The following CLVS1 variants were observed in gnomAD, a reference collection of about 807,000 sequenced individuals.
CLVS1 encodes clavesin-1.
Under a neutral mutation model 33.1 loss-of-function variants are expected in CLVS1, and 10 were observed. The ratio of observed to expected loss-of-function variants is 0.30; its 90% confidence interval spans 0.19 to 0.51. The LOEUF is 0.51. Ranked by LOEUF, CLVS1 falls within the 20% of genes least tolerant of loss-of-function variation. CLVS1 has a pLI of 0.97. For synonymous variants in CLVS1, 163 were observed against 166.1 expected (o/e 0.98, Z 0.14); for missense variants, 343 against 433.4 (o/e 0.79, Z 1.85).
At chr8:61,440,616 C>A (rs1225478490) in intron 3 of CLVS1, among the ~76,000 whole-genome samples, 1 of 152,198 alleles carries the variant, frequency 6.6e-6, no homozygotes, top group East Asian at 1.9e-4. Flanking sequence ...GCTAGGAAAG[C>A]TTCTGTGCTT....
intron 2 of CLVS1, chr8:61,202,562 C>G: frequency 8.3e-7 from 1 of 1,209,702 alleles, no homozygotes; most frequent in East Asian, 2.3e-5. Context: ...GAAGGCAGCC[C>G]AATTAAAGTA....
upstream of CLVS1, chr8:61,287,944 A>G (rs1358329887): frequency 2.6e-6 from 1 of 377,492 alleles, no homozygotes; most frequent in East Asian, 7.3e-5. Flanking sequence ...GGCTCCGTAT[A>G]GAAGGACAGA....
At chr8:61,268,834 C>CTCAAA (rs1308381734) in intron 2 of CLVS1, among the ~76,000 whole-genome samples, 3 of 66,946 alleles carry the variant, frequency 4.5e-5, no homozygotes, top group Non-Finnish European at 8.2e-5. Flanking sequence ...AGTGTCTGTT[C>CTCAAA]ATGTCCTTCA....
At chr8:61,417,370 T>C (rs973018476) in intron 3 of CLVS1, among the ~76,000 whole-genome samples, 2 of 152,214 alleles carry the variant, frequency 1.3e-5, no homozygotes, top group African/African-American at 4.8e-5. Context: ...CAGACGTTTT[T>C]TTCTTTGAAT....
At chr8:61,118,791 AC>A in intron 1 of CLVS1, among the ~76,000 whole-genome samples, 1 of 152,270 alleles carries the variant, frequency 6.6e-6, no homozygotes, top group Non-Finnish European at 1.5e-5. Flanking sequence ...TTTACTTCCA[AC>A]TATGTGGTCA....
chr8:61,019,202 G>A, the CLVS1 span, among the ~76,000 whole-genome samples: 1 of 152,240 alleles, frequency 6.6e-6, no homozygotes, highest in Non-Finnish European at 1.5e-5. Context: ...GCAGTCCATG[G>A]AGAGTCGTCT....
intron 1 of CLVS1, among the ~76,000 whole-genome samples, chr8:61,294,699 T>C (rs1810127919): frequency 6.6e-6 from 1 of 152,080 alleles, no homozygotes; most frequent in African/African-American, 2.4e-5. Flanking sequence ...TATTTTTAGA[T>C]GAGACATTGC....
intron 1 of CLVS1, among the ~76,000 whole-genome samples, chr8:61,081,693 C>T (rs1210086660): frequency 2.6e-5 from 4 of 152,238 alleles, no homozygotes; most frequent in African/African-American, 9.6e-5. Context: ...ATCCCTTCCA[C>T]AGTCACAGCA....
At chr8:61,066,249 A>G (rs1804675942) in intron 1 of CLVS1, among the ~76,000 whole-genome samples, 1 of 152,188 alleles carries the variant, frequency 6.6e-6, no homozygotes, top group Non-Finnish European at 1.5e-5. Flanking sequence ...TAATCCCAAC[A>G]CTTTGGGAGG....
chr8:61,261,209 C>T (rs1358489427), intron 2 of CLVS1, among the ~76,000 whole-genome samples: 1 of 152,148 alleles, frequency 6.6e-6, no homozygotes, highest in African/African-American at 2.4e-5. Context: ...TGACCCTTGA[C>T]CAGCCCCATC....
Position 61,421,303 on chromosome 8 carries a change from A to G in CLVS1, c.631-32838A>G, listed in dbSNP as rs143763436. Among the ~76,000 whole-genome samples the G allele has an allele frequency of 2.6e-5, 4 of 152,328 alleles. No individual in the cohort carries two copies. In the East Asian group the frequency reaches 7.7e-4, roughly 29 times the overall value. On this transcript the variant is annotated intron_variant, in intron 3 of 5. Coordinates refer to ENST00000325897, the MANE Select transcript of CLVS1 (RefSeq NM_173519.3). ...CAAACGATGATTGTCATGGTGCAGC[A>G]AAGTGGGCCTGGTGAGGAGTATATA...
intron 5 of CLVS1, among the ~76,000 whole-genome samples, chr8:61,477,631 G>A (rs1182381452): frequency 2.1e-4 from 32 of 152,136 alleles, no homozygotes; most frequent in Admixed American, 2.1e-3. Flanking sequence ...ATTTCTGTGG[G>A]ATCAGTGGTG....
the CLVS1 span, among the ~76,000 whole-genome samples, chr8:60,992,676 A>G: frequency 1.3e-5 from 2 of 152,250 alleles, no homozygotes; most frequent in Non-Finnish European, 2.9e-5. Context: ...CAAAAGCTCC[A>G]TGGAGGTATC....
intron 2 of CLVS1, among the ~76,000 whole-genome samples, chr8:61,327,824 A>G (rs750759105): frequency 1.3e-5 from 2 of 152,310 alleles, no homozygotes; most frequent in African/African-American, 2.4e-5. Flanking sequence ...CTCCTTCTCT[A>G]TGCAACAGAC....
chr8:61,140,174 A>G (rs1806281338), intron 2 of CLVS1, among the ~76,000 whole-genome samples: 1 of 152,234 alleles, frequency 6.6e-6, no homozygotes, highest in South Asian at 2.1e-4. Flanking sequence ...GACCCATTAA[A>G]TAATGATTTT....
chr8:61,290,369 T>TA (rs1809941308), intron 1 of CLVS1, among the ~76,000 whole-genome samples: 1 of 152,222 alleles, frequency 6.6e-6, no homozygotes, highest in South Asian at 2.1e-4. Context: ...ATTTTGCCTT[T>TA]AAAAAATATT....
At chr8:61,321,383 T>A (rs764378113) in intron 2 of CLVS1, among the ~76,000 whole-genome samples, 2 of 152,162 alleles carry the variant, frequency 1.3e-5, no homozygotes, top group Non-Finnish European at 2.9e-5. Flanking sequence ...GGATTTTTTT[T>A]TCTGGGTGAT....
Position 61,313,075 on chromosome 8 carries a change from C to T in CLVS1, c.455+12793C>T, listed in dbSNP as rs192670998. 1.6e-3 allele frequency among the ~76,000 whole-genome samples: 242 copies of T among 152,312 alleles called. 1 individual carries two copies. The highest frequency in any genetic ancestry group is 2.9e-3 in the Non-Finnish European group (195 of 68,028). On this transcript the variant is annotated intron_variant, in intron 2 of 5. Transcript: ENST00000325897. ...TCCTCCTGCATCACAGCTCTTCCCA[C>T]CTTCGCGTATACAGTTCCTCCCATT...
the CLVS1 span, chr8:60,965,130 G>C: frequency 6.6e-6 from 1 of 152,320 alleles, no homozygotes; most frequent in East Asian, 1.9e-4. Context: ...TCCGGCCTGA[G>C]GCCACCCTTA....
Sources: gnomAD v4.1 joint callset for allele counts (sites outside exome capture counted in the v4.1 genomes callset) on GRCh38, gnomAD v4.1.1 for gene constraint, MANE v1.5 for transcripts, NCBI Gene and HGNC (gene_info 2026-07-23, HGNC 2026-07-21) for gene names.